The following CPSF3 variants were observed in gnomAD, a reference collection of about 807,000 sequenced individuals.
CPSF3 encodes cleavage and polyadenylation specificity factor subunit 3.
A neutral mutation model predicts 84.1 loss-of-function variants in CPSF3; 57 were observed. The ratio of observed to expected loss-of-function variants is 0.68; its 90% CI spans 0.55 to 0.85. The LOEUF (loss-of-function observed/expected upper bound fraction) is 0.85, where lower values mean the gene tolerates loss of function less well. Ranked by LOEUF, CPSF3 falls within the 40% of genes least tolerant of loss-of-function variation. The pLI is 0.00. For missense variants in CPSF3, 522 were observed against 838.8 expected (o/e 0.62, Z 4.66); for synonymous variants, 275 against 278.1 (o/e 0.99, Z 0.11).
At chr2:9,450,585 C>T (rs1379055353) in intron 11 of CPSF3, among the ~76,000 whole-genome samples, 1 of 151,996 alleles carries the variant, frequency 6.6e-6, no homozygotes, top group East Asian at 1.9e-4. Flanking sequence ...ATCAGGAGTT[C>T]GAGACCAGCC....
rs1680627688 is a variant in CPSF3 at position 9,432,542 on chromosome 2, G to A, written c.373G>A (p.Glu125Lys). The A allele has an allele frequency of 1.9e-6, 3 of 1,547,944 alleles. No individual in the cohort carries two copies. The highest frequency in any genetic ancestry group is 2.6e-6 in the Non-Finnish European group (3 of 1,132,726). Residue 125 changes from glutamate to lysine, a missense_variant, in exon 5 of 18, where the codon GAG (glutamate) becomes AAG (lysine). By Grantham distance (56) the Glu-to-Lys change is moderately conservative. Around this residue, in one of 2 missense-constraint regions of CPSF3, gnomAD observed 329 missense variants for 607.2 expected, o/e 0.54. Transcript: ENST00000238112. ...ATCAGCAGACGACATGCTGTATACCGAGACAGATTTGGAAGAAAGCATGGA... is the reference window on the plus strand; with the variant it reads ...ATCAGCAGACGACATGCTGTATACCAAGACAGATTTGGAAGAAAGCATGGA... ...NISADDMLYT[E>K]TDLEESMDKI...
At chr2:9,452,202 G>A (rs563383777) in intron 11 of CPSF3, among the ~76,000 whole-genome samples, 1 of 152,008 alleles carries the variant, frequency 6.6e-6, no homozygotes, top group East Asian at 1.9e-4. Context: ...GGTGGTAGGT[G>A]CCTGTAATCC....
At chr2:9,435,398 A>G (rs1680739997) in intron 6 of CPSF3, among the ~76,000 whole-genome samples, 1 of 152,154 alleles carries the variant, frequency 6.6e-6, no homozygotes, top group South Asian at 2.1e-4. Flanking sequence ...TTCATTTTAT[A>G]AAAAGTTCTT....
intron 12 of CPSF3, among the ~76,000 whole-genome samples, chr2:9,454,705 C>T (rs1210980845): frequency 3.3e-5 from 5 of 151,752 alleles, no homozygotes; most frequent in Admixed American, 3.3e-4. Flanking sequence ...CCACCATGCC[C>T]GGCTAATTTT....
intron 11 of CPSF3, 54 bp from the exon 12 acceptor site, chr2:9,452,859 T>A: frequency 1.6e-6 from 2 of 1,214,892 alleles, no homozygotes; most frequent in Admixed American, 2.3e-5. Context: ...TTTTATTACC[T>A]GAAAAACTGC....
At chr2:9,444,386 A>G (rs1165114161) in intron 10 of CPSF3, among the ~76,000 whole-genome samples, 4 of 151,892 alleles carry the variant, frequency 2.6e-5, no homozygotes, top group African/African-American at 9.7e-5. Context: ...TCGGCCTCCC[A>G]AAGTGCTGGG....
intron 11 of CPSF3, among the ~76,000 whole-genome samples, chr2:9,452,014 C>T (rs187675989): frequency 6.6e-6 from 1 of 152,220 alleles, no homozygotes; most frequent in African/African-American, 2.4e-5. Context: ...CCATGCCCGG[C>T]CATAAATGAA....
chr2:9,437,220 A>G (rs889916055), intron 7 of CPSF3, among the ~76,000 whole-genome samples: 4 of 152,258 alleles, frequency 2.6e-5, no homozygotes, highest in Admixed American at 1.3e-4. Flanking sequence ...CCTGGCCATC[A>G]TGGTGAAACC....
At chr2:9,468,003 A>G (rs565866566) in intron 16 of CPSF3, 6 of 419,792 alleles carry the variant, frequency 1.4e-5, no homozygotes, top group Non-Finnish European at 2.5e-5. Flanking sequence ...CATTTAATAC[A>G]GTGCTTCAGG....
Position 9,454,395 on chromosome 2 carries a change from G to A in CPSF3, c.1505-1264G>A, listed in dbSNP as rs539582642. On this transcript the variant is annotated intron_variant, in intron 12 of 17. Transcript: ENST00000238112. ...TGCACTCCAACCCGGGCAACAGTGC[G>A]AGACTCTGTCTCAAAAAAGAAAGAA... Among the ~76,000 whole-genome samples, 7 of 152,244 alleles carry A rather than the reference G, an allele frequency of 4.6e-5. No homozygotes were observed. In the East Asian group the frequency reaches 1.2e-3, roughly 25 times the overall value.
chr2:9,465,550 C>CAT (rs1681872701), intron 15 of CPSF3, among the ~76,000 whole-genome samples: 1 of 136,598 alleles, frequency 7.3e-6, no homozygotes, highest in Non-Finnish European at 1.7e-5. Flanking sequence ...CATACACACA[C>CAT]ACACACACAC....
At chr2:9,447,757 G>A (rs753854969) in intron 10 of CPSF3, among the ~76,000 whole-genome samples, 12 of 152,128 alleles carry the variant, frequency 7.9e-5, no homozygotes, top group African/African-American at 2.4e-4. Flanking sequence ...CAGCCTGGGC[G>A]ACAGAGCAAG....
chr2:9,463,411 G>A (rs533600468), intron 15 of CPSF3, among the ~76,000 whole-genome samples: 1 of 152,320 alleles, frequency 6.6e-6, no homozygotes, highest in African/African-American at 2.4e-5. Context: ...ATCGCAAAGT[G>A]CTGGATTCTG....
At chr2:9,461,654 A>G (rs1374682530) in intron 15 of CPSF3, among the ~76,000 whole-genome samples, 1 of 150,752 alleles carries the variant, frequency 6.6e-6, no homozygotes, top group Non-Finnish European at 1.5e-5. Context: ...TGGGTGACAG[A>G]GCAATACTCC....
intron 15 of CPSF3, among the ~76,000 whole-genome samples, chr2:9,466,161 TAAA>T (rs747147275): frequency 3.3e-5 from 5 of 151,518 alleles, no homozygotes; most frequent in African/African-American, 1.2e-4. Context: ...GGCAACATGC[TAAA>T]ACCCTGTCTC....
chr2:9,455,088 C>T (rs1375999975), intron 12 of CPSF3, among the ~76,000 whole-genome samples: 3 of 151,330 alleles, frequency 2.0e-5, no homozygotes, highest in African/African-American at 7.3e-5. Context: ...GCTGGCATAC[C>T]AGCTCTGTGG....
chr2:9,456,866 C>A, intron 13 of CPSF3, 67 bp from the exon 14 acceptor site: 1 of 963,364 alleles, frequency 1.0e-6, no homozygotes, highest in Non-Finnish European at 1.6e-6. Flanking sequence ...TCTCTATAAA[C>A]AAACGAATGG....
chr2:9,436,168 A>G (rs760935519), intron 6 of CPSF3, 43 bp from the exon 7 acceptor site: 5 of 1,479,352 alleles, frequency 3.4e-6, no homozygotes, highest in Admixed American at 2.3e-5. Flanking sequence ...GAATTCTTGG[A>G]GGATCATTGG....
At chr2:9,437,385 CAG>C (rs796966215) in intron 7 of CPSF3, among the ~76,000 whole-genome samples, 1 of 102,736 alleles carries the variant, frequency 9.7e-6, no homozygotes, top group African/African-American at 4.0e-5. Flanking sequence ...GCCTCGGTGA[CAG>C]AGGGAGACTG....
Sources: allele counts gnomAD v4.1 joint callset (sites outside exome capture counted in the v4.1 genomes callset), GRCh38; gene constraint gnomAD v4.1.1; regional missense constraint gnomAD v4.1.1; transcripts MANE v1.5; gene names NCBI Gene and HGNC (gene_info 2026-07-23, HGNC 2026-07-21).